The following CIBAR1 variants were observed in gnomAD, a reference collection of about 807,000 sequenced individuals.
The protein encoded by CIBAR1 is CBY1 interacting BAR domain containing 1, also known as CBY1-interacting BAR domain-containing protein 1.
CIBAR1 carries 25 observed loss-of-function variants against 44.0 expected under a neutral mutation model. That is an observed-to-expected ratio of 0.57 (90% CI 0.41 to 0.79). The LOEUF is 0.79. Ranked by LOEUF, CIBAR1 falls within the 30% of genes least tolerant of loss-of-function variation. CIBAR1 has a pLI of 0.00. For synonymous variants in CIBAR1, 115 were observed against 119.0 expected (o/e 0.97, Z 0.22); for missense variants, 278 against 344.8 (o/e 0.81, Z 1.53).
At chr8:93,704,418 T>C (rs1810495279) in intron 3 of CIBAR1, among the ~76,000 whole-genome samples, 1 of 152,224 alleles carries the variant, frequency 6.6e-6, no homozygotes, top group African/African-American at 2.4e-5. Flanking sequence ...TAGTTCACAA[T>C]AGGGTTTGCA....
chr8:93,715,154 T>G (rs1810992680), intron 6 of CIBAR1, among the ~76,000 whole-genome samples: 1 of 152,170 alleles, frequency 6.6e-6, no homozygotes, highest in Non-Finnish European at 1.5e-5. Context: ...CTTTGCAGAG[T>G]GTCTCTCTGA....
At chr8:93,702,699 A>C (rs1810411932) in intron 2 of CIBAR1, among the ~76,000 whole-genome samples, 5 of 152,004 alleles carry the variant, frequency 3.3e-5, no homozygotes, top group Admixed American at 3.3e-4. Context: ...GTCGATTTTT[A>C]TTTTCCTAAC....
chr8:93,700,964 C>G, intron 1 of CIBAR1: 2 of 1,379,656 alleles, frequency 1.4e-6, no homozygotes, highest in Non-Finnish European at 1.9e-6. Context: ...CCAGGCCGCG[C>G]TGCGCGGAGC....
chr8:93,722,294 A>G (rs1434636370), intron 7 of CIBAR1, among the ~76,000 whole-genome samples: 2 of 152,242 alleles, frequency 1.3e-5, no homozygotes, highest in Non-Finnish European at 2.9e-5. Flanking sequence ...CTATTCTTCC[A>G]GATAGTCCAT....
intron 4 of CIBAR1, chr8:93,705,398 T>C: frequency 5.1e-6 from 1 of 197,292 alleles, no homozygotes; most frequent in Non-Finnish European, 1.0e-5. Context: ...AAGAAAATTT[T>C]CCCATTTAAT....
rs544910891 is a variant in CIBAR1, at chr8:93,724,084, T to G, written c.658-2310T>G. 7.4e-4 allele frequency among the ~76,000 whole-genome samples: 113 copies of G among 152,050 alleles called. 2 individuals carry two copies. In the South Asian group the frequency reaches 9.2e-3, roughly 12 times the overall value. ...CTGTCTGCACAAAAAGTGAAAAAAT[T>G]AGCCAGAGTACCCCTGTGGTCCCAG... is the stretch of plus-strand genomic sequence containing the variant. On this transcript the variant is annotated intron_variant, in intron 7 of 8. Coordinates refer to ENST00000518322, the MANE Select transcript of CIBAR1 (RefSeq NM_145269.5).
intron 7 of CIBAR1, chr8:93,725,931 A>G (rs116856178): frequency 0.023 from 3,585 of 156,422 alleles, 51 homozygotes; most frequent in Middle Eastern, 0.032. Flanking sequence ...CTGACAAGTC[A>G]TGGCATTCCA....
At chr8:93,724,408 C>A in intron 7 of CIBAR1, 1 of 408,528 alleles carries the variant, frequency 2.4e-6, no homozygotes, top group East Asian at 7.4e-5. Context: ...TCACTGCAGC[C>A]TTGACCTCTG....
At chr8:93,705,748 G>T (rs1393212551) in intron 4 of CIBAR1, among the ~76,000 whole-genome samples, 3 of 152,064 alleles carry the variant, frequency 2.0e-5, no homozygotes, top group African/African-American at 7.2e-5. Flanking sequence ...TCAGGAGTTC[G>T]AGACCAGCCT....
At chr8:93,700,734 T>A (rs1810304861) in intron 1 of CIBAR1, 61 bp downstream of exon 1, 1 of 1,456,928 alleles carries the variant, frequency 6.9e-7, no homozygotes, top group African/African-American at 1.5e-5. Flanking sequence ...GTGAGGGAAG[T>A]GGAAGCCTCT....
In CIBAR1 at chr8:93,701,347, C is replaced by G. The variant is rs1348260720; in HGVS notation, c.150C>G (p.Leu50=). The G allele has an allele frequency of 6.8e-6, 11 of 1,613,882 alleles. No homozygotes were observed. The highest frequency in any genetic ancestry group is 9.3e-6 in the Non-Finnish European group (11 of 1,179,866). Residue 50 remains leucine, a synonymous_variant, in exon 2 of 9, where the codon CTC becomes CTG. Transcript: ENST00000518322. ...KTARLRDKAD[L]LVNEINAYAA... ...CCAGGCTGAGAGACAAAGCAGACCT[C>G]CTGGTGAATGAAATTAACGCGTATG...
chr8:93,721,512 G>A (rs555384670), intron 7 of CIBAR1, among the ~76,000 whole-genome samples: 2 of 152,148 alleles, frequency 1.3e-5, no homozygotes, highest in East Asian at 1.9e-4. Context: ...AAAGGTCTCC[G>A]GAATATGTGG....
intron 7 of CIBAR1, among the ~76,000 whole-genome samples, chr8:93,723,553 AATG>A (rs2130375699): frequency 6.6e-6 from 1 of 151,860 alleles, no homozygotes; most frequent in South Asian, 2.1e-4. Context: ...TTGCCAAATG[AATG>A]ATGTTAACTA....
In CIBAR1 at chr8:93,729,289, T is replaced by G. The variant is rs946195343; in HGVS notation, c.*992T>G. The G allele has an allele frequency of 4.6e-5, 7 of 152,258 alleles. No individual in the cohort carries two copies. In the East Asian group the frequency reaches 1.3e-3, roughly 29 times the overall value. 9.4% of individuals were successfully genotyped at this position (152,258 alleles called of 1,614,324 possible). On this transcript the variant is annotated 3_prime_UTR_variant, in exon 9 of 9. Transcript: ENST00000518322. ...CATGGCTCTGTTCTTAACAAAGCACTCCTTCCTGAGAATAGTCCTAAGTGA... is the reference window on the plus strand; with the variant it reads ...CATGGCTCTGTTCTTAACAAAGCACGCCTTCCTGAGAATAGTCCTAAGTGA...
At chr8:93,705,479 T>A (rs983618023) in intron 4 of CIBAR1, 14 of 155,854 alleles carry the variant, frequency 9.0e-5, no homozygotes, top group Non-Finnish European at 9.9e-5. Context: ...TCAGGAGTCT[T>A]AAGAGTATAA....
intron 6 of CIBAR1, among the ~76,000 whole-genome samples, chr8:93,713,688 A>G (rs1389604451): frequency 6.6e-6 from 1 of 152,190 alleles, no homozygotes; most frequent in Non-Finnish European, 1.5e-5. Context: ...GTTAAATTTC[A>G]TTCTTTTGCA....
rs113840650 is a variant in CIBAR1 at position 93,709,866 on chromosome 8, G to C, written c.534G>C (p.Lys178Asn). 1.9e-6 allele frequency: 3 copies of C among 1,607,388 alleles called. No homozygotes were observed. The African/African-American group carries it at 4.0e-5, about 22-fold the overall frequency. ...ACAACTTTGAAAGGCAGAAAATGAA[G>C]GATATAAAGGTAATAAAGTAACTGT... ...TINNFERQKMKDIKTIFSEFI... is the reference protein window; with the variant it reads ...TINNFERQKMNDIKTIFSEFI... Residue 178 changes from lysine to asparagine, a missense_variant, in exon 6 of 9, where the codon AAG becomes AAC. By Grantham distance (94) the Lys-to-Asn change is moderately conservative (BLOSUM62 0). Coordinates refer to ENST00000518322, the MANE Select transcript of CIBAR1 (RefSeq NM_145269.5).
At chr8:93,713,049 T>C (rs555245637) in intron 6 of CIBAR1, among the ~76,000 whole-genome samples, 38 of 148,892 alleles carry the variant, frequency 2.6e-4, no homozygotes, top group African/African-American at 8.1e-4. Flanking sequence ...TTTTTTTTTT[T>C]CGAGACAGAT....
At chr8:93,725,019 C>T (rs1811421079) in intron 7 of CIBAR1, among the ~76,000 whole-genome samples, 1 of 152,078 alleles carries the variant, frequency 6.6e-6, no homozygotes, top group Non-Finnish European at 1.5e-5. Flanking sequence ...ACTCTATTGC[C>T]CAGGATGGAG....
Sources: allele counts gnomAD v4.1 joint callset (sites outside exome capture counted in the v4.1 genomes callset), GRCh38; gene constraint gnomAD v4.1.1; transcripts MANE v1.5; gene names NCBI Gene and HGNC (gene_info 2026-07-23, HGNC 2026-07-21).